The following TIAL1 variants were observed in gnomAD, a reference collection of about 807,000 sequenced individuals.
TIAL1 encodes nucleolysin TIAR.
In TIAL1, 7 loss-of-function variants were observed where a neutral mutation model predicts 59.7. That is an observed-to-expected ratio of 0.12 (90% CI 0.07 to 0.22). TIAL1 has a LOEUF of 0.22. Ranked by LOEUF, TIAL1 falls within the 10% of genes least tolerant of loss-of-function variation. The probability of loss-of-function intolerance (pLI) is 1.00; values close to 1 mark genes in which losing one functional copy is unlikely to be tolerated. For synonymous variants in TIAL1, 149 were observed against 146.3 expected (o/e 1.02, Z -0.13); for missense variants, 225 against 462.5 (o/e 0.49, Z 4.71).
At chr10:119,576,332 A>C (rs1844994064) in intron 11 of TIAL1, among the ~76,000 whole-genome samples, 1 of 152,224 alleles carries the variant, frequency 6.6e-6, no homozygotes, top group Non-Finnish European at 1.5e-5. Context: ...ATGCAAAAAT[A>C]AATAAAAGTG....
At position 119,577,153 on chromosome 10, in the gene TIAL1, G is replaced by C. The variant is rs776568721; in HGVS notation, c.788C>G (p.Thr263Ser). The stretch of plus-strand genomic sequence containing the variant: ...TTTAACCACATGTCCTTCAATCGTA[G>C]TACCGTTCACCGAAACAATGGCATG... ...AAHAIVSVNG[T>S]TIEGHVVKCY... The change falls in exon 10 of 12, where the codon ACT (threonine) becomes AGT (serine). Residue 263 changes from threonine to serine, a missense_variant. Physicochemically the swap from Thr to Ser is moderately conservative, Grantham distance 58. This residue lies in a region of TIAL1 where 80 missense variants were observed against 158.8 expected (regional missense o/e 0.50). Transcript: ENST00000436547. 2.5e-6 allele frequency: 4 copies of C among 1,613,564 alleles called. No individual in the cohort carries two copies. Among genetic ancestry groups the C allele is most frequent in the Non-Finnish European group, 1.7e-6 (2 of 1,179,860 alleles).
chr10:119,592,364 TAAA>T (rs1340021937), intron 1 of TIAL1: 2 of 152,198 alleles, frequency 1.3e-5, no homozygotes, highest in East Asian at 3.8e-4. Context: ...AATTTGGGGC[TAAA>T]AACTTAGCAG....
chr10:119,590,220 A>C (rs1232460926), intron 1 of TIAL1, among the ~76,000 whole-genome samples: 1 of 152,226 alleles, frequency 6.6e-6, no homozygotes, highest in Non-Finnish European at 1.5e-5. Context: ...TACGTCCACT[A>C]TGCCACCTTT....
intron 2 of TIAL1, among the ~76,000 whole-genome samples, chr10:119,583,259 G>C (rs1845383138): frequency 6.6e-6 from 1 of 152,136 alleles, no homozygotes; most frequent in Admixed American, 6.5e-5. Context: ...ATCAAGAAAA[G>C]AGGTTCTGAA....
chr10:119,578,432 G>A (rs764824243), intron 7 of TIAL1, among the ~76,000 whole-genome samples: 4 of 151,646 alleles, frequency 2.6e-5, no homozygotes, highest in South Asian at 2.1e-4. Context: ...TAAATACTAC[G>A]TCAGCCTGGA....
chr10:119,577,348 G>GC, intron 9 of TIAL1, 103 bp downstream of exon 9: 2 of 1,429,454 alleles, frequency 1.4e-6, no homozygotes, highest in Non-Finnish European at 1.9e-6. Flanking sequence ...CTTCTATACT[G>GC]CAAAGAAGCA....
In TIAL1 at chr10:119,574,585, G is replaced by GAAAAAAAAAAAAAA. The variant is rs1302922520; in HGVS notation, c.*1079_*1080insTTTTTTTTTTTTTT. The GAAAAAAAAAAAAAA allele has an allele frequency of 1.6e-4, 1 of 6,128 alleles. No individual in the cohort carries two copies. Among genetic ancestry groups the GAAAAAAAAAAAAAA allele is most frequent in the East Asian group, 5.1e-3 (1 of 196 alleles). The allele number at this position is 6,128 out of a possible 1,614,324, so 0.4% of individuals were successfully genotyped here. On this transcript the variant is annotated 3_prime_UTR_variant, in exon 12 of 12. Transcript: ENST00000436547. ...GTATTTACATACCAAGTAATGTAAA[G>GAAAAAAAAAAAAAA]CAAAAAAAAAAAAAAAAAAAAACAA...
intron 1 of TIAL1, among the ~76,000 whole-genome samples, chr10:119,595,417 A>G (rs1846114074): frequency 6.8e-6 from 1 of 147,706 alleles, no homozygotes; most frequent in South Asian, 2.2e-4. Flanking sequence ...TTAAACATTT[A>G]ATTAAAAAGT....
rs1845328037 is a variant in TIAL1, at chr10:119,581,940, G to A, written c.353C>T (p.Ala118Val). 1.2e-6 allele frequency: 2 copies of A among 1,613,226 alleles called. No homozygotes were observed. The highest frequency in any genetic ancestry group is 1.7e-4 in the Middle Eastern group (1 of 6,054). ...TACTTACGATATTTTACCAAAGGGG[G>A]CAAATGCTGATTTGATATCTTCTGT... Reference protein sequence around the residue: ...ITTEDIKSAFAPFGKISDARV... With the variant: ...ITTEDIKSAFVPFGKISDARV... Residue 118 changes from alanine (A) to valine (V), a missense_variant, in exon 5 of 12, where the codon GCC becomes GTC. This residue lies in a region of TIAL1 where 38 missense variants were observed against 173.0 expected (regional missense o/e 0.22). Transcript: ENST00000436547.
intron 1 of TIAL1, among the ~76,000 whole-genome samples, chr10:119,595,641 C>T (rs905038336): frequency 2.0e-5 from 3 of 152,122 alleles, no homozygotes; most frequent in Non-Finnish European, 1.5e-5. Context: ...CATCAAATAG[C>T]GGATGAAGAC....
intron 1 of TIAL1, among the ~76,000 whole-genome samples, chr10:119,595,225 G>A (rs1317761488): frequency 6.6e-6 from 1 of 151,906 alleles, no homozygotes; most frequent in African/African-American, 2.4e-5. Context: ...CAAACTTCTC[G>A]AGTGCCCCTC....
Position 119,580,764 on chromosome 10 carries a change from G to A in TIAL1, c.372-754C>T, listed in dbSNP as rs1044907017. 16 of 1,080,196 alleles carry A rather than the reference G, an allele frequency of 1.5e-5. No individual in the cohort carries two copies. The African/African-American group carries it at 2.6e-4, about 17-fold the overall frequency. The allele number at this position is 1,080,196 out of a possible 1,614,324, so 66.9% of individuals were successfully genotyped here. A position where few individuals can be genotyped will look rare whatever the true frequency, so the allele number is the denominator to read the frequency against. ...GTATAATAAGAATAAATAGAAATGA[G>A]AAAAAAAATCTACAACTGAGTTCCA... On this transcript the variant is annotated intron_variant, in intron 5 of 11. Coordinates refer to ENST00000436547, the MANE Select transcript of TIAL1 (RefSeq NM_003252.4).
chr10:119,577,770 T>C (rs775794771), intron 7 of TIAL1, 34 bp from the exon 8 acceptor site: 2 of 1,529,804 alleles, frequency 1.3e-6, no homozygotes, highest in Middle Eastern at 1.7e-4. Flanking sequence ...ACGTTGACTG[T>C]TATATTGTAC....
chr10:119,596,494 A>T lies in TIAL1; in HGVS notation c.-29T>A. 9.2e-7 allele frequency: 1 copy of T among 1,084,394 alleles called. No individual in the cohort carries two copies. The highest frequency in any genetic ancestry group is 1.3e-6 in the Non-Finnish European group (1 of 793,150). 67.2% of individuals were successfully genotyped at this position (1,084,394 alleles called of 1,614,324 possible). ...GGGTGCGACGGAGCGATCCCGGGAC[A>T]AGGGGGAGGGCAGGGTTGGGGAGGG... is the stretch of plus-strand genomic sequence containing the variant. On this transcript the variant is annotated 5_prime_UTR_variant, in exon 1 of 12. Transcript: ENST00000436547.
rs149651974 is a variant in TIAL1, at chr10:119,574,382, A to T, written c.*1283T>A. On this transcript the variant is annotated 3_prime_UTR_variant, in exon 12 of 12. Coordinates refer to ENST00000436547, the MANE Select transcript of TIAL1 (RefSeq NM_003252.4). Reference sequence around the variant, plus strand: ...ACTCTGTGTACTATTTAAACTGAATATCCAATTATAAATTGGTACATTGAA... The same window carrying T: ...ACTCTGTGTACTATTTAAACTGAATTTCCAATTATAAATTGGTACATTGAA... 33 of 152,428 alleles carry T rather than the reference A, an allele frequency of 2.2e-4. No homozygotes were observed. Among genetic ancestry groups the T allele is most frequent in the African/African-American group, 6.7e-4 (28 of 41,576 alleles). The allele number at this position is 152,428 out of a possible 1,614,324, so 9.4% of individuals were successfully genotyped here. A position where few individuals can be genotyped will look rare whatever the true frequency, so the allele number is the denominator to read the frequency against.
At chr10:119,595,837 T>C (rs1300343537) in intron 1 of TIAL1, among the ~76,000 whole-genome samples, 2 of 152,140 alleles carry the variant, frequency 1.3e-5, no homozygotes, top group African/African-American at 4.8e-5. Flanking sequence ...ACTTCAAAAG[T>C]AGCGGGCGCT....
In TIAL1 at chr10:119,582,081, A is replaced by G. The variant is rs1186730559; in HGVS notation, c.284-72T>C. 1.9e-6 allele frequency: 3 copies of G among 1,595,462 alleles called. No homozygotes were observed. The highest frequency in any genetic ancestry group is 2.6e-6 in the Non-Finnish European group (3 of 1,168,914). Reference sequence around the variant, plus strand: ...TAAAACCTTTTTAAGGCAACTCTAGAGGAGGAAAAAAAAACCTATTTAAGC... The same window carrying G: ...TAAAACCTTTTTAAGGCAACTCTAGGGGAGGAAAAAAAAACCTATTTAAGC... On this transcript the variant is annotated intron_variant, in intron 4 of 11. Coordinates refer to ENST00000436547, the MANE Select transcript of TIAL1 (RefSeq NM_003252.4). The surrounding 1 kb of genome is among the most constrained non-coding windows in gnomAD (Gnocchi z 5.1).
Position 119,582,376 on chromosome 10 carries a change from C to A in TIAL1, c.228+83G>T. On this transcript the variant is annotated intron_variant, in intron 3 of 11. Coordinates refer to ENST00000436547, the MANE Select transcript of TIAL1 (RefSeq NM_003252.4). This position sits in a 1 kb window ranked among gnomAD's most constrained non-coding sequence, Gnocchi z 5.1. ...ATCACTCAGCAGCCGAATATCTGCT[C>A]AAAAATTTGCCTAGAAAGAATACAA... 6.6e-7 allele frequency: 1 copy of A among 1,508,980 alleles called. No homozygotes were observed. Among genetic ancestry groups the A allele is most frequent in the East Asian group, 2.3e-5 (1 of 43,650 alleles). The allele number at this position is 1,508,980 out of a possible 1,614,324, so 93.5% of individuals were successfully genotyped here.
intron 5 of TIAL1, 44 bp from the exon 6 acceptor site, chr10:119,580,054 C>T (rs1440917397): frequency 7.2e-6 from 11 of 1,521,930 alleles, no homozygotes; most frequent in Middle Eastern, 1.7e-4. Context: ...AAGAGCCACC[C>T]TCAAAATAAA....
Sources: gnomAD v4.1 joint callset for allele counts (sites outside exome capture counted in the v4.1 genomes callset) on GRCh38, gnomAD v4.1.1 for gene constraint, gnomAD v4.1.1 regional missense constraint, Gnocchi (gnomAD v3.1) non-coding constraint, MANE v1.5 for transcripts, NCBI Gene and HGNC (gene_info 2026-07-23, HGNC 2026-07-21) for gene names.